SLCO5A1: variants seen among roughly 807,000 people sequenced by gnomAD.
SLCO5A1 encodes solute carrier organic anion transporter family member 5A1.
In SLCO5A1, 39 loss-of-function variants were observed where a neutral mutation model predicts 65.1. The observed-to-expected ratio is 0.60, with a 90% CI of 0.46 to 0.78. SLCO5A1 has a LOEUF of 0.78. Ranked by LOEUF, SLCO5A1 falls within the 30% of genes least tolerant of loss-of-function variation. The probability of loss-of-function intolerance (pLI) is 0.00; values close to 1 mark genes in which losing one functional copy is unlikely to be tolerated. For synonymous variants in SLCO5A1, 438 were observed against 415.7 expected, an observed-to-expected ratio of 1.05 and a Z score of -0.65; for missense variants, 1,029 against 1,069.4, an observed-to-expected ratio of 0.96 and a Z score of 0.53.
intron 2 of SLCO5A1, among the ~76,000 whole-genome samples, chr8:69,816,940 T>A (rs13265669): frequency 0.025 from 3,754 of 152,304 alleles, 87 homozygotes; most frequent in Middle Eastern, 0.058. Context: ...AATTATTTTT[T>A]TAATTCAGAT....
Position 69,778,467 on chromosome 8 carries a change from TA to T in SLCO5A1, c.908-16593del, listed in dbSNP as rs200237937. ...GTAAAATAGGCTTCCAAAAAGTCATTAAAAAAAAATAGAATAGAAGGAAATG... is the reference window on the plus strand; with the variant it reads ...GTAAAATAGGCTTCCAAAAAGTCATTAAAAAAAATAGAATAGAAGGAAATG... On this transcript the variant is annotated intron_variant, in intron 2 of 9. Coordinates refer to ENST00000260126, the MANE Select transcript of SLCO5A1 (RefSeq NM_030958.3). Among the ~76,000 whole-genome samples the T allele has an allele frequency of 6.2e-3, 926 of 150,248 alleles. 8 individuals carry two copies. Among genetic ancestry groups the T allele is most frequent in the African/African-American group, 0.021 (882 of 41,108 alleles).
At chr8:69,689,330 C>T (rs1437305492) in intron 6 of SLCO5A1, among the ~76,000 whole-genome samples, 3 of 100,382 alleles carry the variant, frequency 3.0e-5, no homozygotes. Flanking sequence ...TGTGCAGAAG[C>T]TCTTTAGTTT....
At chr8:69,709,300 G>T (rs1456808043) in intron 5 of SLCO5A1, among the ~76,000 whole-genome samples, 3 of 152,198 alleles carry the variant, frequency 2.0e-5, no homozygotes, top group Non-Finnish European at 4.4e-5. Context: ...ATGAATGGTT[G>T]AATGTGGAGG....
chr8:69,765,377 T>C (rs1818014922), intron 2 of SLCO5A1, among the ~76,000 whole-genome samples: 1 of 151,880 alleles, frequency 6.6e-6, no homozygotes, highest in Non-Finnish European at 1.5e-5. Context: ...TATTACTCTG[T>C]ATGAGTATTT....
At position 69,670,081 on chromosome 8, in the gene SLCO5A1, A is replaced by G. The variant is rs1813286799; in HGVS notation, c.*2788T>C. The G allele has an allele frequency of 6.6e-6, 1 of 152,188 alleles. No homozygotes were observed. The highest frequency in any genetic ancestry group is 2.4e-5 in the African/African-American group (1 of 41,446). The allele number at this position is 152,188 out of a possible 1,614,324, so 9.4% of individuals were successfully genotyped here. A position where few individuals can be genotyped will look rare whatever the true frequency, so the allele number is the denominator to read the frequency against. On this transcript the variant is annotated 3_prime_UTR_variant, in exon 10 of 10. Coordinates refer to ENST00000260126, the MANE Select transcript of SLCO5A1 (RefSeq NM_030958.3). ...ACCAAAGAATGCGCTCCAACCACCC[A>G]TCTTACCTCCTGGGAGTTTCTAAAT... is the stretch of plus-strand genomic sequence containing the variant.
chr8:69,696,703 C>T (rs886299521), intron 6 of SLCO5A1, among the ~76,000 whole-genome samples: 1 of 152,164 alleles, frequency 6.6e-6, no homozygotes, highest in African/African-American at 2.4e-5. Context: ...TGAGTATTGT[C>T]ATCTGCAAAG....
intron 5 of SLCO5A1, among the ~76,000 whole-genome samples, chr8:69,723,396 C>T (rs1225220327): frequency 6.6e-6 from 1 of 152,004 alleles, no homozygotes; most frequent in Admixed American, 6.6e-5. Context: ...GGACCACAGG[C>T]ACAAGCCACC....
chr8:69,795,953 A>C (rs1207154692), intron 2 of SLCO5A1, among the ~76,000 whole-genome samples: 1 of 152,230 alleles, frequency 6.6e-6, no homozygotes, highest in African/African-American at 2.4e-5. Context: ...CACCCTCTGA[A>C]GCATCGGCCC....
intron 6 of SLCO5A1, among the ~76,000 whole-genome samples, chr8:69,697,317 G>A (rs1175831930): frequency 6.6e-6 from 1 of 152,174 alleles, no homozygotes; most frequent in Non-Finnish European, 1.5e-5. Context: ...TTGAACCCGG[G>A]AGGTGGAGGT....
rs369398538 is a variant in SLCO5A1 at position 69,832,563 on chromosome 8, A to C, written c.111T>G (p.Ser37Arg). 6.2e-7 allele frequency: 1 copy of C among 1,611,820 alleles called. No individual in the cohort carries two copies. The highest frequency in any genetic ancestry group is 1.3e-5 in the African/African-American group (1 of 74,836). ...RCEPETLRSK[S>R]LPVLSSASCR... ...AGGAGGCGCTGCTGAGGACCGGTAAACTCTTAGACCTGAGGGTCTCCGGCT... is the reference window on the plus strand; with the variant it reads ...AGGAGGCGCTGCTGAGGACCGGTAACCTCTTAGACCTGAGGGTCTCCGGCT... The change falls in exon 2 of 10, where the codon AGT (serine) becomes AGG (arginine). Residue 37 changes from serine (S) to arginine (R), a missense_variant. This residue lies in a region of SLCO5A1 where 647 missense variants were observed against 647.5 expected (regional missense o/e 1.00). Coordinates refer to ENST00000260126, the MANE Select transcript of SLCO5A1 (RefSeq NM_030958.3). The surrounding 1 kb of genome is among the most constrained non-coding windows in gnomAD (Gnocchi z 4.5).
intron 2 of SLCO5A1, among the ~76,000 whole-genome samples, chr8:69,781,537 C>A (rs1401878785): frequency 6.6e-6 from 1 of 152,166 alleles, no homozygotes; most frequent in East Asian, 1.9e-4. Context: ...TAACATTGGG[C>A]ATTTGTTGTC....
At position 69,690,164 on chromosome 8, in the gene SLCO5A1, C is replaced by T. The variant is rs960153456; in HGVS notation, c.1623-7821G>A. Among the ~76,000 whole-genome samples the T allele has an allele frequency of 8.5e-5, 13 of 152,292 alleles. No homozygotes were observed. In the South Asian group the frequency reaches 1.0e-3, roughly 12 times the overall value. On this transcript the variant is annotated intron_variant, in intron 6 of 9. Coordinates refer to ENST00000260126, the MANE Select transcript of SLCO5A1 (RefSeq NM_030958.3). ...CTTTCCCCGCTGATTCCGCCAAGCC[C>T]GTTCCCTTGGCTGTGGTTTCGCTGG...
intron 2 of SLCO5A1, among the ~76,000 whole-genome samples, chr8:69,818,612 G>A (rs1047400262): frequency 1.3e-5 from 2 of 152,200 alleles, no homozygotes; most frequent in Non-Finnish European, 2.9e-5. Flanking sequence ...TGGGTGGGCT[G>A]AATAAATCAA....
intron 1 of SLCO5A1, chr8:69,834,198 G>GC (rs935321740): frequency 3.9e-5 from 6 of 153,418 alleles, no homozygotes; most frequent in Non-Finnish European, 7.2e-5. Context: ...AAACAGGTGT[G>GC]CCCCCGTGGT....
At chr8:69,788,823 A>G (rs1408962558) in intron 2 of SLCO5A1, among the ~76,000 whole-genome samples, 1 of 152,196 alleles carries the variant, frequency 6.6e-6, no homozygotes, top group Non-Finnish European at 1.5e-5. Flanking sequence ...AACTAAATTT[A>G]TAGTCTTAGT....
intron 2 of SLCO5A1, among the ~76,000 whole-genome samples, chr8:69,768,302 A>G (rs530053665): frequency 1.3e-5 from 2 of 152,230 alleles, no homozygotes; most frequent in Admixed American, 6.5e-5. Context: ...AAGAATGACC[A>G]TGACCCTTAT....
intron 6 of SLCO5A1, among the ~76,000 whole-genome samples, chr8:69,703,402 T>C (rs951413854): frequency 6.6e-6 from 1 of 152,100 alleles, no homozygotes; most frequent in African/African-American, 2.4e-5. Context: ...AAAAATTAAC[T>C]GGGCACGGTG....
At chr8:69,677,656 A>C (rs150640756) in intron 8 of SLCO5A1, among the ~76,000 whole-genome samples, 108 of 152,362 alleles carry the variant, frequency 7.1e-4, no homozygotes, top group African/African-American at 2.4e-3. Context: ...GGAAGAACTG[A>C]GTAAACAAAC....
At chr8:69,722,036 G>T (rs1043711287) in intron 5 of SLCO5A1, among the ~76,000 whole-genome samples, 6 of 152,048 alleles carry the variant, frequency 3.9e-5, no homozygotes, top group African/African-American at 1.2e-4. Flanking sequence ...GCCAGGCATG[G>T]TGGCATATAC....
Sources: allele counts gnomAD v4.1 joint callset (sites outside exome capture counted in the v4.1 genomes callset), GRCh38; gene constraint gnomAD v4.1.1; regional missense constraint gnomAD v4.1.1; non-coding constraint Gnocchi (gnomAD v3.1); transcripts MANE v1.5; gene names NCBI Gene and HGNC (gene_info 2026-07-23, HGNC 2026-07-21).